TET1: variants seen among roughly 807,000 people sequenced by gnomAD.
The protein encoded by TET1 is tet methylcytosine dioxygenase 1.
In TET1, 13 loss-of-function variants were observed where a neutral mutation model predicts 148.7. The observed-to-expected ratio is 0.09, with a 90% confidence interval of 0.06 to 0.14. The LOEUF (loss-of-function observed/expected upper bound fraction) is 0.14, where lower values mean the gene tolerates loss of function less well. TET1 is among the 10% of genes least tolerant of loss of function. The pLI is 1.00. For missense variants in TET1, 2,182 were observed against 2,553.8 expected (o/e 0.85, Z 3.14); for synonymous variants, 907 against 937.2 (o/e 0.97, Z 0.59).
chr10:68,614,911 G>A (rs1282851679), intron 3 of TET1, among the ~76,000 whole-genome samples: 2 of 151,160 alleles, frequency 1.3e-5, no homozygotes, highest in African/African-American at 4.9e-5. Flanking sequence ...CTTCTTTCTT[G>A]TGTGTTTCAT....
At chr10:68,569,701 C>T (rs1025574823) in intron 1 of TET1, among the ~76,000 whole-genome samples, 2 of 152,026 alleles carry the variant, frequency 1.3e-5, no homozygotes, top group African/African-American at 4.8e-5. Context: ...TTGCTTGGGG[C>T]CAGGAGTTCA....
At chr10:68,611,233 G>C (rs527323494) in intron 3 of TET1, among the ~76,000 whole-genome samples, 2 of 152,080 alleles carry the variant, frequency 1.3e-5, no homozygotes, top group Non-Finnish European at 2.9e-5. Context: ...GGAGGTTGCA[G>C]TGAGCTGAGA....
At chr10:68,593,915 AT>A (rs3998851) in intron 2 of TET1, among the ~76,000 whole-genome samples, 2,971 of 44,136 alleles carry the variant, frequency 0.067, 21 homozygotes, top group East Asian at 0.09. Flanking sequence ...CGCCTGAGCT[AT>A]TTTTTTTTTT....
chr10:68,591,366 A>C (rs2053917002), intron 2 of TET1, among the ~76,000 whole-genome samples: 1 of 152,214 alleles, frequency 6.6e-6, no homozygotes, highest in Non-Finnish European at 1.5e-5. Flanking sequence ...ACAGCCATTA[A>C]GCAGTGTCCT....
intron 2 of TET1, among the ~76,000 whole-genome samples, chr10:68,576,969 C>T (rs547209788): frequency 1.3e-3 from 190 of 151,644 alleles, no homozygotes; most frequent in Non-Finnish European, 2.4e-3. Flanking sequence ...AGTGCAGTGG[C>T]GCGATCTCGG....
intron 3 of TET1, among the ~76,000 whole-genome samples, chr10:68,605,266 TG>T (rs1172999273): frequency 2.6e-5 from 4 of 151,842 alleles, no homozygotes; most frequent in African/African-American, 7.3e-5. Flanking sequence ...TGAGGTTGGG[TG>T]TTCGAGACCA....
chr10:68,562,280 G>A (rs570324007), intron 1 of TET1, among the ~76,000 whole-genome samples: 1 of 152,276 alleles, frequency 6.6e-6, no homozygotes, highest in South Asian at 2.1e-4. Context: ...TGGAAAAGGC[G>A]CTTCTTAACC....
At chr10:68,609,866 G>A (rs1242233773) in intron 3 of TET1, among the ~76,000 whole-genome samples, 6 of 151,844 alleles carry the variant, frequency 4.0e-5, no homozygotes, top group Non-Finnish European at 7.4e-5. Context: ...AAATATGTTA[G>A]GCAGGGCACA....
chr10:68,596,431 G>A (rs1309034829), intron 2 of TET1, among the ~76,000 whole-genome samples: 2 of 151,842 alleles, frequency 1.3e-5, no homozygotes, highest in East Asian at 1.9e-4. Flanking sequence ...ACTTCTTTGG[G>A]CCTCTGAATT....
At position 68,683,202 on chromosome 10, in the gene TET1, A is replaced by T. The variant is rs77893552; in HGVS notation, c.5052+229A>T. ...GTAACAGGGCCAGCTTCAAACAAACATTTTATTGAAAGGCTATGTTACATA... is the reference window on the plus strand; with the variant it reads ...GTAACAGGGCCAGCTTCAAACAAACTTTTTATTGAAAGGCTATGTTACATA... On this transcript the variant is annotated intron_variant, in intron 10 of 11. Coordinates refer to ENST00000373644, the MANE Select transcript of TET1 (RefSeq NM_030625.3). Among the ~76,000 whole-genome samples, 6 of 152,304 alleles carry T rather than the reference A, an allele frequency of 3.9e-5. No homozygotes were observed. In the East Asian group the frequency reaches 9.6e-4, roughly 24 times the overall value.
intron 2 of TET1, among the ~76,000 whole-genome samples, chr10:68,585,606 A>T (rs1381924163): frequency 1.3e-5 from 2 of 152,162 alleles, no homozygotes; most frequent in African/African-American, 2.4e-5. Context: ...TTGCATTTAT[A>T]TGCATTTTTT....
intron 2 of TET1, among the ~76,000 whole-genome samples, chr10:68,584,998 TTTTTG>T (rs1191522633): frequency 6.6e-6 from 1 of 151,688 alleles, no homozygotes; most frequent in Non-Finnish European, 1.5e-5. Flanking sequence ...TTTTTTTGTG[TTTTTG>T]TTTTGTTTTG....
Position 68,686,646 on chromosome 10 carries a change from C to T in TET1, c.5343C>T (p.Ile1781=). 6.2e-7 allele frequency: 1 copy of T among 1,614,142 alleles called. No individual in the cohort carries two copies. The highest frequency in any genetic ancestry group is 8.5e-7 in the Non-Finnish European group (1 of 1,180,042). Residue 1781 remains isoleucine, a synonymous_variant, in exon 11 of 12, where the codon ATC becomes ATT. Transcript: ENST00000373644. ...TGGAAAAGAAACCTATTCCCCGAAT[C>T]AAGCGGAAGAATAACTCAACAACAA... ...RAVEKKPIPR[I]KRKNNSTTTN... is the part of the protein sequence containing the mutation.
At chr10:68,576,361 A>C (rs1248612336) in intron 2 of TET1, among the ~76,000 whole-genome samples, 1 of 151,868 alleles carries the variant, frequency 6.6e-6, no homozygotes, top group African/African-American at 2.4e-5. Context: ...AAAAAAAAAA[A>C]AAAGTATTGT....
intron 3 of TET1, among the ~76,000 whole-genome samples, chr10:68,644,148 C>G (rs1285200010): frequency 6.6e-6 from 1 of 151,612 alleles, no homozygotes; most frequent in African/African-American, 2.4e-5. Flanking sequence ...TGTGATCCGC[C>G]CACCTTGGCC....
At chr10:68,571,688 G>A (rs1292112525) in intron 1 of TET1, among the ~76,000 whole-genome samples, 3 of 151,004 alleles carry the variant, frequency 2.0e-5, no homozygotes, top group Non-Finnish European at 2.9e-5. Flanking sequence ...ATGAGCCACC[G>A]CACCTGGCCA....
chr10:68,570,446 C>T (rs892790943), intron 1 of TET1, among the ~76,000 whole-genome samples: 2 of 151,976 alleles, frequency 1.3e-5, no homozygotes, highest in Non-Finnish European at 2.9e-5. Context: ...ATCCCTCCCT[C>T]CTTCTCTAGT....
intron 3 of TET1, among the ~76,000 whole-genome samples, chr10:68,629,544 T>C (rs1233267986): frequency 6.6e-6 from 1 of 151,456 alleles, no homozygotes; most frequent in Non-Finnish European, 1.5e-5. Flanking sequence ...TTTTTAATTT[T>C]TTTTTTTTGA....
intron 3 of TET1, 75 bp downstream of exon 3, chr10:68,601,109 T>G (rs965325351): frequency 1.5e-6 from 2 of 1,304,706 alleles, no homozygotes; most frequent in Non-Finnish European, 2.2e-6. Flanking sequence ...TTGGGTATAT[T>G]TGGAGTACAG....
Sources: gnomAD v4.1 joint callset for allele counts (sites outside exome capture counted in the v4.1 genomes callset) on GRCh38, gnomAD v4.1.1 for gene constraint, MANE v1.5 for transcripts, NCBI Gene and HGNC (gene_info 2026-07-23, HGNC 2026-07-21) for gene names.